Variants in RUNX2 observed in about 807,000 individuals in gnomAD.
RUNX2 encodes runt-related transcription factor 2.
Under a neutral mutation model 51.7 loss-of-function variants are expected in RUNX2, and 10 were observed. The observed-to-expected ratio is 0.19, with a 90% confidence interval of 0.12 to 0.33. The LOEUF (loss-of-function observed/expected upper bound fraction) is 0.33, where lower values mean the gene tolerates loss of function less well. RUNX2 is among the 10% of genes least tolerant of loss of function. The probability of loss-of-function intolerance (pLI) is 1.00; values close to 1 mark genes in which losing one functional copy is unlikely to be tolerated. For missense variants in RUNX2, 562 were observed against 691.3 expected (o/e 0.81, Z 2.10); for synonymous variants, 276 against 273.6 (o/e 1.01, Z -0.09).
At chr6:45,340,355 ACT>A (rs1018702766) in intron 2 of RUNX2, among the ~76,000 whole-genome samples, 1 of 152,020 alleles carries the variant, frequency 6.6e-6, no homozygotes, top group African/African-American at 2.4e-5. Context: ...ACAAGGTCTC[ACT>A]CTGTCACCCA....
chr6:45,498,720 C>T (rs1361768169), intron 6 of RUNX2, among the ~76,000 whole-genome samples: 1 of 152,160 alleles, frequency 6.6e-6, no homozygotes, highest in Non-Finnish European at 1.5e-5. Flanking sequence ...GCAAACAGAA[C>T]TCCTTTAAAA....
chr6:45,386,590 T>C (rs1437317687), intron 2 of RUNX2, among the ~76,000 whole-genome samples: 1 of 152,210 alleles, frequency 6.6e-6, no homozygotes, highest in Non-Finnish European at 1.5e-5. Flanking sequence ...TACATGGAAA[T>C]GTATGCAAAG....
chr6:45,447,124 G>T (rs2150377737), intron 5 of RUNX2, among the ~76,000 whole-genome samples: 1 of 152,300 alleles, frequency 6.6e-6, no homozygotes, highest in Non-Finnish European at 1.5e-5. Context: ...TCATTTTTTG[G>T]GAAGTAGGTT....
rs541985066 is a variant in RUNX2 at position 45,481,543 on chromosome 6, T to A, written c.686-10398T>A. On this transcript the variant is annotated intron_variant, in intron 5 of 8. Transcript: ENST00000647337. ...CATAGAGAAAGAGTTTTTTTGTTCA[T>A]TTCCCATAAAGTCAAGGGAGAGATA... Among the ~76,000 whole-genome samples, 3 of 152,312 alleles carry A rather than the reference T, an allele frequency of 2.0e-5. No individual in the cohort carries two copies. The South Asian group carries it at 6.2e-4, about 32-fold the overall frequency.
chr6:45,352,409 T>G (rs562688866), intron 2 of RUNX2, among the ~76,000 whole-genome samples: 164 of 152,310 alleles, frequency 1.1e-3, no homozygotes, highest in Middle Eastern at 3.4e-3. Flanking sequence ...ATCTAATAAA[T>G]TTGATTACTA....
At chr6:45,363,409 G>T (rs907070289) in intron 2 of RUNX2, among the ~76,000 whole-genome samples, 1 of 152,036 alleles carries the variant, frequency 6.6e-6, no homozygotes, top group African/African-American at 2.4e-5. Flanking sequence ...AGGGAGAGTA[G>T]GGAGAAAGGT....
intron 5 of RUNX2, among the ~76,000 whole-genome samples, chr6:45,485,192 C>CTT (rs199954113): frequency 5.0e-5 from 7 of 139,344 alleles, no homozygotes; most frequent in Non-Finnish European, 9.4e-5. Flanking sequence ...TTCTTTCTTT[C>CTT]TTTTTTTTTT....
chr6:45,468,647 A>T (rs1799711419), intron 5 of RUNX2, among the ~76,000 whole-genome samples: 1 of 152,212 alleles, frequency 6.6e-6, no homozygotes, highest in Non-Finnish European at 1.5e-5. Context: ...AAATCCCTTT[A>T]TATTTAAGTA....
chr6:45,364,545 CTATG>C (rs68143873), intron 2 of RUNX2, among the ~76,000 whole-genome samples: 27,185 of 151,944 alleles, frequency 0.18, 3,732 homozygotes, highest in African/African-American at 0.39. Flanking sequence ...TGAAAAACTA[CTATG>C]TGTCAACAGA....
At chr6:45,451,185 G>A (rs1419286791) in intron 5 of RUNX2, among the ~76,000 whole-genome samples, 1 of 152,172 alleles carries the variant, frequency 6.6e-6, no homozygotes, top group Non-Finnish European at 1.5e-5. Flanking sequence ...GGTTGAGAAA[G>A]ACCTTGAAGA....
chr6:45,329,404 C>T (rs1787001757), intron 2 of RUNX2, among the ~76,000 whole-genome samples: 1 of 151,838 alleles, frequency 6.6e-6, no homozygotes, highest in East Asian at 1.9e-4. Flanking sequence ...TTATGATAAG[C>T]ACATCACAGC....
At position 45,431,974 on chromosome 6, in the gene RUNX2, G is replaced by C. The variant is rs182416246; in HGVS notation, c.535G>C (p.Val179Leu). 4 of 1,614,146 alleles carry C rather than the reference G, an allele frequency of 2.5e-6. No individual in the cohort carries two copies. The highest frequency in any genetic ancestry group is 3.4e-6 in the Non-Finnish European group (4 of 1,180,016). The change falls in exon 4 of 9, where the codon GTA (valine) becomes CTA (leucine). Residue 179 changes from valine to leucine, a missense_variant. Val to Leu is a conservative substitution (Grantham distance 32). This residue lies in a region of RUNX2 where 67 missense variants were observed against 106.5 expected (regional missense o/e 0.63). Coordinates refer to ENST00000647337, the MANE Select transcript of RUNX2 (RefSeq NM_001024630.4). ...TGCCTCTGCTGTTATGAAAAACCAA[G>C]TAGCAAGGTTCAACGATCTGAGATT... ...RNASAVMKNQVARFNDLRFVG... is the reference protein window; with the variant it reads ...RNASAVMKNQLARFNDLRFVG...
chr6:45,380,490 A>G (rs1325237167), intron 2 of RUNX2, among the ~76,000 whole-genome samples: 1 of 152,238 alleles, frequency 6.6e-6, no homozygotes, highest in African/African-American at 2.4e-5. Flanking sequence ...TCTTAAAATG[A>G]TTAGGTAGTA....
At chr6:45,353,848 A>G (rs1308590594) in intron 2 of RUNX2, among the ~76,000 whole-genome samples, 1 of 151,982 alleles carries the variant, frequency 6.6e-6, no homozygotes, top group Non-Finnish European at 1.5e-5. Context: ...CGGGGAAAAT[A>G]GGGAAAATGC....
intron 5 of RUNX2, among the ~76,000 whole-genome samples, chr6:45,461,752 AT>A (rs5875922): frequency 0.27 from 39,770 of 146,326 alleles, 5,899 homozygotes; most frequent in Non-Finnish European, 0.35. Context: ...GAGGCTTACT[AT>A]TTTTTTTTTT....
chr6:45,379,798 G>A (rs1351316082), intron 2 of RUNX2, among the ~76,000 whole-genome samples: 3 of 152,020 alleles, frequency 2.0e-5, no homozygotes, highest in Non-Finnish European at 4.4e-5. Context: ...CCTGGGAGGC[G>A]GAGGTTGCAG....
intron 2 of RUNX2, among the ~76,000 whole-genome samples, chr6:45,328,993 A>C (rs1387647727): frequency 1.3e-5 from 2 of 152,006 alleles, no homozygotes; most frequent in Non-Finnish European, 2.9e-5. Context: ...AATGACTTGA[A>C]ATATACAAAA....
chr6:45,516,323 C>T (rs1171551495), intron 7 of RUNX2, among the ~76,000 whole-genome samples: 1 of 152,082 alleles, frequency 6.6e-6, no homozygotes, highest in African/African-American at 2.4e-5. Flanking sequence ...AATGGAACAA[C>T]AAGAGCACAT....
chr6:45,539,213 T>TA (rs983371119), intron 7 of RUNX2, among the ~76,000 whole-genome samples: 1 of 151,542 alleles, frequency 6.6e-6, no homozygotes, highest in African/African-American at 2.4e-5. Context: ...ATTGCCAGGT[T>TA]TTTTTTTCTC....
Sources: gnomAD v4.1 joint callset for allele counts (sites outside exome capture counted in the v4.1 genomes callset) on GRCh38, gnomAD v4.1.1 for gene constraint, gnomAD v4.1.1 regional missense constraint, MANE v1.5 for transcripts, NCBI Gene and HGNC (gene_info 2026-07-23, HGNC 2026-07-21) for gene names.